The following ZNF442 variants were observed in gnomAD, a reference collection of about 807,000 sequenced individuals.
ZNF442 encodes zinc finger protein 442.
Under a neutral mutation model 57.0 loss-of-function variants are expected in ZNF442, and 45 were observed. The ratio of observed to expected loss-of-function variants is 0.79; its 90% confidence interval spans 0.62 to 1.01. ZNF442 has a LOEUF of 1.01. ZNF442 is among the 50% of genes least tolerant of loss of function. The pLI is 0.00. For synonymous variants in ZNF442, 213 were observed against 241.8 expected (o/e 0.88, Z 1.10); for missense variants, 690 against 756.5 (o/e 0.91, Z 1.03).
rs754918785 is a variant in ZNF442 at position 12,349,789 on chromosome 19, A to T, written c.1796T>A (p.Met599Lys). 1.9e-6 allele frequency: 3 copies of T among 1,614,094 alleles called. No individual in the cohort carries two copies. The Admixed American group carries it at 5.0e-5, about 27-fold the overall frequency. The change falls in exon 6 of 6, where the codon ATG becomes AAG. Residue 599 changes from methionine (M) to lysine (K), a missense_variant. Met to Lys is a moderately conservative substitution (Grantham distance 95). Transcript: ENST00000242804. ...CTTCCCACATTCCTTACATTCATGC[A>T]TCTTCTCTCCAGTGTGAGTTTTTTC... is the stretch of plus-strand genomic sequence containing the variant. The part of the protein sequence containing the change: ...GHEKTHTGEK[M>K]HECKECGKAL...
chr19:12,354,873 T>A (rs543344480), intron 3 of ZNF442, among the ~76,000 whole-genome samples: 2 of 152,222 alleles, frequency 1.3e-5, no homozygotes, highest in South Asian at 4.1e-4. Context: ...AGACAATATA[T>A]GTGTTAATCA....
chr19:12,352,282 A>T (rs1411443068), intron 4 of ZNF442, among the ~76,000 whole-genome samples: 1 of 152,050 alleles, frequency 6.6e-6, no homozygotes, highest in Non-Finnish European at 1.5e-5. Flanking sequence ...CAATGGTGCA[A>T]TCTCGGCTCA....
At position 12,363,607 on chromosome 19, in the gene ZNF442, T is replaced by C; in HGVS notation, c.25A>G (p.Arg9Gly). Reference protein sequence around the residue: MIVFGGEDRSDLFLPDSQT... With the variant: MIVFGGEDGSDLFLPDSQT... ...GAGTCAGGAAGGAAGAGATCACTTCTGTCTTCTCCCCCAAATACAATCATT... is the reference window on the plus strand; with the variant it reads ...GAGTCAGGAAGGAAGAGATCACTTCCGTCTTCTCCCCCAAATACAATCATT... The change falls in exon 3 of 6, where the codon AGA (arginine) becomes GGA (glycine). Residue 9 changes from arginine (R) to glycine (G), a missense_variant. By Grantham distance (125) the Arg-to-Gly change is moderately radical (BLOSUM62 -2). Transcript: ENST00000242804. The C allele has an allele frequency of 3.1e-6, 5 of 1,614,266 alleles. No individual in the cohort carries two copies. The South Asian group carries it at 5.5e-5, about 18-fold the overall frequency.
chr19:12,350,924 G>A lies in ZNF442; in HGVS notation c.661C>T (p.Pro221Ser). 6.2e-7 allele frequency: 1 copy of A among 1,614,072 alleles called. No homozygotes were observed. Among genetic ancestry groups the A allele is most frequent in the Non-Finnish European group, 8.5e-7 (1 of 1,180,008 alleles). ...CKLCGKAFFW[P>S]SLFRMHERTH... ...CTTTCATGCATACGAAATAAACTAG[G>A]CCAAAAAAAGGCTTTCCCACACAAC... The change falls in exon 6 of 6, where the codon CCT becomes TCT. Residue 221 changes from proline to serine, a missense_variant. By Grantham distance (74) the Pro-to-Ser change is moderately conservative. Coordinates refer to ENST00000242804, the MANE Select transcript of ZNF442 (RefSeq NM_030824.3).
In ZNF442 at chr19:12,349,241, G is replaced by C. The variant is rs1343658362; in HGVS notation, c.*460C>G. 1 of 151,628 alleles carries C rather than the reference G, an allele frequency of 6.6e-6. No individual in the cohort carries two copies. The highest frequency in any genetic ancestry group is 2.4e-5 in the African/African-American group (1 of 41,234). The allele number at this position is 151,628 out of a possible 1,614,324, so 9.4% of individuals were successfully genotyped here. A position where few individuals can be genotyped will look rare whatever the true frequency, so the allele number is the denominator to read the frequency against. On this transcript the variant is annotated 3_prime_UTR_variant, in exon 6 of 6. Transcript: ENST00000242804. ...GAAAAAAAGAAACTGTAACATTCTAGGTGACATGTACTATGTAGGCAGGCC... is the reference window on the plus strand; with the variant it reads ...GAAAAAAAGAAACTGTAACATTCTACGTGACATGTACTATGTAGGCAGGCC...
rs370054172 is a variant in ZNF442 at position 12,348,449 on chromosome 19, C to T, written c.*1252G>A. ...TCTGTGTCACCCAAGGGATAACATGCCAACAAACACTGCAAGGATATTTAA... is the reference window on the plus strand; with the variant it reads ...TCTGTGTCACCCAAGGGATAACATGTCAACAAACACTGCAAGGATATTTAA... On this transcript the variant is annotated 3_prime_UTR_variant, in exon 6 of 6. Coordinates refer to ENST00000242804, the MANE Select transcript of ZNF442 (RefSeq NM_030824.3). 1.3e-5 allele frequency: 2 copies of T among 152,146 alleles called. No homozygotes were observed. The highest frequency in any genetic ancestry group is 1.3e-4 in the Admixed American group (2 of 15,266). The allele number at this position is 152,146 out of a possible 1,614,324, so 9.4% of individuals were successfully genotyped here. A position where few individuals can be genotyped will look rare whatever the true frequency, so the allele number is the denominator to read the frequency against.
Position 12,346,866 on chromosome 19 carries a change from A to G in ZNF442, c.*2835T>C, listed in dbSNP as rs899086701. 8 of 152,256 alleles carry G rather than the reference A, an allele frequency of 5.3e-5. No individual in the cohort carries two copies. Among genetic ancestry groups the G allele is most frequent in the African/African-American group, 1.7e-4 (7 of 41,470 alleles). 9.4% of individuals were successfully genotyped at this position (152,256 alleles called of 1,614,324 possible). ...TGGAAGGACACATGCATACTTCCACATATCTCTCTCTCTATGAATAGTCAA... is the reference window on the plus strand; with the variant it reads ...TGGAAGGACACATGCATACTTCCACGTATCTCTCTCTCTATGAATAGTCAA... On this transcript the variant is annotated 3_prime_UTR_variant, in exon 6 of 6. Transcript: ENST00000242804.
At chr19:12,362,329 G>A (rs979773383) in intron 3 of ZNF442, among the ~76,000 whole-genome samples, 10 of 151,886 alleles carry the variant, frequency 6.6e-5, no homozygotes, top group Admixed American at 6.6e-5. Flanking sequence ...CCTCTGCCCC[G>A]CCGCCCCATC....
intron 3 of ZNF442, among the ~76,000 whole-genome samples, chr19:12,357,647 C>T (rs1178093804): frequency 6.7e-6 from 1 of 149,064 alleles, no homozygotes; most frequent in East Asian, 2.0e-4. Flanking sequence ...GCCACCATGC[C>T]CGGCCCTACC....
At chr19:12,355,512 C>A (rs966590492) in intron 3 of ZNF442, among the ~76,000 whole-genome samples, 1 of 150,202 alleles carries the variant, frequency 6.7e-6, no homozygotes, top group African/African-American at 2.4e-5. Context: ...CAGGCGCACA[C>A]CACACGCCCG....
chr19:12,363,352 G>A (rs991621569), intron 3 of ZNF442, among the ~76,000 whole-genome samples: 13 of 151,930 alleles, frequency 8.6e-5, no homozygotes, highest in African/African-American at 2.9e-4. Context: ...GCACTGACTC[G>A]AACACAAACA....
Position 12,352,623 on chromosome 19 carries a change from T to C in ZNF442, c.205+365A>G, listed in dbSNP as rs28625244. Among the ~76,000 whole-genome samples, 633 of 152,372 alleles carry C rather than the reference T, an allele frequency of 4.2e-3. 2 individuals are homozygous for C. Among genetic ancestry groups the C allele is most frequent in the African/African-American group, 0.015 (620 of 41,586 alleles). ...AAGACAATGAGGATGAAAACCTTTA[T>C]GATGATCCATTTCAACTTAATGCAC... On this transcript the variant is annotated intron_variant, in intron 4 of 5. Coordinates refer to ENST00000242804, the MANE Select transcript of ZNF442 (RefSeq NM_030824.3).
At chr19:12,363,208 T>C (rs1231646227) in intron 3 of ZNF442, among the ~76,000 whole-genome samples, 5 of 151,550 alleles carry the variant, frequency 3.3e-5, no homozygotes, top group Non-Finnish European at 7.4e-5. Context: ...ATGTGACCTG[T>C]TTTCTGAAAT....
At position 12,350,027 on chromosome 19, in the gene ZNF442, T is replaced by C. The variant is rs1357733188; in HGVS notation, c.1558A>G (p.Thr520Ala). Residue 520 changes from threonine (T) to alanine (A), a missense_variant, in exon 6 of 6, where the codon ACA becomes GCA. Coordinates refer to ENST00000242804, the MANE Select transcript of ZNF442 (RefSeq NM_030824.3). ...AAATGACTGAAGGCTTTCTTACATG[T>C]TTTACATTCATAAGGTTTTTCAGCC... is the stretch of plus-strand genomic sequence containing the variant. ...HMAEKPYECK[T>A]CKKAFSHFGN... 41 of 1,614,006 alleles carry C rather than the reference T, an allele frequency of 2.5e-5. No homozygotes were observed. Among genetic ancestry groups the C allele is most frequent in the Non-Finnish European group, 3.2e-5 (38 of 1,180,008 alleles).
rs1969268963 is a variant in ZNF442 at position 12,352,977 on chromosome 19, G to A, written c.205+11C>T. The A allele has an allele frequency of 6.3e-7, 1 of 1,592,312 alleles. No individual in the cohort carries two copies. On this transcript the variant is annotated intron_variant, in intron 4 of 5. Coordinates refer to ENST00000242804, the MANE Select transcript of ZNF442 (RefSeq NM_030824.3). ...CTAATTGACTAAGTGAAGACATAAT[G>A]TCATTTTTACCTATACAGTCCAGGT... is the stretch of plus-strand genomic sequence containing the variant.
rs1482245289 is a variant in ZNF442, at chr19:12,346,404, A to C, written c.*3297T>G. 1 of 152,232 alleles carries C rather than the reference A, an allele frequency of 6.6e-6. No individual in the cohort carries two copies. The highest frequency in any genetic ancestry group is 2.4e-5 in the African/African-American group (1 of 41,458). 9.4% of individuals were successfully genotyped at this position (152,232 alleles called of 1,614,324 possible). On this transcript the variant is annotated 3_prime_UTR_variant, in exon 6 of 6. Coordinates refer to ENST00000242804, the MANE Select transcript of ZNF442 (RefSeq NM_030824.3). ...AAACCACAATGAAAAAGCAGTACAG[A>C]ACCATTAATTGGCTATTATGAAAAA... is the stretch of plus-strand genomic sequence containing the variant.
chr19:12,373,223 T>C, the ZNF442 span, among the ~76,000 whole-genome samples: 87 of 152,284 alleles, frequency 5.7e-4, no homozygotes, highest in Non-Finnish European at 1.6e-4. Flanking sequence ...TCAGGAAACA[T>C]AGACAGATGC....
At chr19:12,351,423 G>T in intron 5 of ZNF442, 105 bp from the exon 6 acceptor site, 1 of 1,051,682 alleles carries the variant, frequency 9.5e-7, no homozygotes, top group Non-Finnish European at 1.4e-6. Flanking sequence ...CAACGTGTAG[G>T]CTTCATGCAC....
upstream of ZNF442, among the ~76,000 whole-genome samples, chr19:12,366,898 G>A (rs893987380): frequency 6.6e-6 from 1 of 152,242 alleles, no homozygotes; most frequent in Non-Finnish European, 1.5e-5. Context: ...GCCTCCCAAA[G>A]TGTTAGGATT....
Sources: gnomAD v4.1 joint callset for allele counts (sites outside exome capture counted in the v4.1 genomes callset) on GRCh38, gnomAD v4.1.1 for gene constraint, MANE v1.5 for transcripts, NCBI Gene and HGNC (gene_info 2026-07-23, HGNC 2026-07-21) for gene names.